EPB41L5: variants seen among roughly 807,000 people sequenced by gnomAD.
EPB41L5 encodes the protein erythrocyte membrane protein band 4.1 like 5.
EPB41L5 carries 55 observed loss-of-function variants against 106.6 expected under a neutral mutation model. The ratio of observed to expected loss-of-function variants is 0.52; its 90% CI spans 0.42 to 0.65. The LOEUF is 0.65. Among genes scored for constraint, EPB41L5 ranks in the 30% least tolerant of loss-of-function variants. The pLI is 0.00. For missense variants in EPB41L5, 871 were observed against 882.1 expected (o/e 0.99, Z 0.16); for synonymous variants, 297 against 306.7 (o/e 0.97, Z 0.33).
At chr2:120,133,868 T>C (rs1685810419) in intron 18 of EPB41L5, among the ~76,000 whole-genome samples, 1 of 151,538 alleles carries the variant, frequency 6.6e-6, no homozygotes, top group Non-Finnish European at 1.5e-5. Flanking sequence ...TGAGGAAAGG[T>C]GAGGGAAGAG....
At chr2:120,044,351 A>G (rs1679627151) in intron 3 of EPB41L5, among the ~76,000 whole-genome samples, 2 of 152,220 alleles carry the variant, frequency 1.3e-5, no homozygotes, top group Non-Finnish European at 2.9e-5. Flanking sequence ...TCCAGCAGGT[A>G]GTAGGCACAC....
At chr2:120,046,310 C>T (rs1293759289) in intron 3 of EPB41L5, among the ~76,000 whole-genome samples, 1 of 152,170 alleles carries the variant, frequency 6.6e-6, no homozygotes, top group Non-Finnish European at 1.5e-5. Flanking sequence ...ACTTCCTCTC[C>T]AGCACCTGTT....
intron 24 of EPB41L5, among the ~76,000 whole-genome samples, chr2:120,170,559 T>G (rs1411632763): frequency 6.6e-6 from 1 of 152,240 alleles, no homozygotes; most frequent in Non-Finnish European, 1.5e-5. Flanking sequence ...AGTTCCTTAC[T>G]TTATTCTAGC....
intron 24 of EPB41L5, 121 bp from the exon 25 acceptor site, chr2:120,174,720 T>C (rs1269787067): frequency 3.7e-6 from 3 of 808,840 alleles, no homozygotes; most frequent in East Asian, 2.4e-5. Context: ...TTACTACATA[T>C]TGACTTAGGT....
Position 120,076,973 on chromosome 2 carries a change from G to C in EPB41L5, c.508G>C (p.Glu170Gln). The C allele has an allele frequency of 1.9e-6, 3 of 1,592,574 alleles. No individual in the cohort carries two copies. The highest frequency in any genetic ancestry group is 2.6e-6 in the Non-Finnish European group (3 of 1,170,470). ...ACTTTTGAAACTTATGTTTATAGCT[G>C]AACTTGGTGACTATGATCTTGCTGA... ...VQLAAYNLQA[E>Q]LGDYDLAEHS... is the part of the protein sequence containing the mutation. Residue 170 changes from glutamate (E) to glutamine (Q), a missense_variant and splice_region_variant, in exon 8 of 25, where the codon GAA becomes CAA. Physicochemically the swap from Glu to Gln is conservative, Grantham distance 29 (BLOSUM62 2). Coordinates refer to ENST00000263713, the MANE Select transcript of EPB41L5 (RefSeq NM_020909.4).
rs980096860 is a variant in EPB41L5 at position 120,085,001 on chromosome 2, A to G, written c.804-2170A>G. Reference sequence around the variant, plus strand: ...TCAGGTCATTTAAGGACTTGTCTACACTAGTTATTCTAGTTAGCCGTTTGT... The same window carrying G: ...TCAGGTCATTTAAGGACTTGTCTACGCTAGTTATTCTAGTTAGCCGTTTGT... On this transcript the variant is annotated intron_variant, in intron 10 of 24. Transcript: ENST00000263713. Among the ~76,000 whole-genome samples, 3 of 152,130 alleles carry G rather than the reference A, an allele frequency of 2.0e-5. No individual in the cohort carries two copies. The South Asian group carries it at 6.2e-4, about 32-fold the overall frequency.
rs755920716 is a variant in EPB41L5 at position 120,093,275 on chromosome 2, A to C, written c.1177A>C (p.Ser393Arg). Residue 393 changes from serine (S) to arginine (R), a missense_variant and splice_region_variant, in exon 14 of 25, where the codon AGT becomes CGT. By Grantham distance (110) the Ser-to-Arg change is moderately radical. Transcript: ENST00000263713. ...ATGTGCTACAAAACCTGAAGAACTT[A>C]GGTAAGTAATGTTTTGCAACTTAGG... ...KACATKPEEL[S>R]VHNNVSTQSN... The C allele has an allele frequency of 8.7e-5, 141 of 1,613,206 alleles. No individual in the cohort carries two copies. Among genetic ancestry groups the C allele is most frequent in the Non-Finnish European group, 1.1e-4 (133 of 1,179,320 alleles).
chr2:120,081,984 C>A (rs535224940), intron 10 of EPB41L5, among the ~76,000 whole-genome samples: 1 of 152,174 alleles, frequency 6.6e-6, no homozygotes, highest in East Asian at 1.9e-4. Flanking sequence ...TGCTGAAGTT[C>A]CTTATCAGCT....
At chr2:120,119,205 C>T (rs1427252723) in intron 16 of EPB41L5, among the ~76,000 whole-genome samples, 1 of 151,866 alleles carries the variant, frequency 6.6e-6, no homozygotes, top group Non-Finnish European at 1.5e-5. Flanking sequence ...TGTTTAAGTT[C>T]CTTGTAGCCT....
At chr2:120,061,607 C>A (rs1212199823) in intron 3 of EPB41L5, among the ~76,000 whole-genome samples, 4 of 152,090 alleles carry the variant, frequency 2.6e-5, no homozygotes, top group African/African-American at 9.7e-5. Context: ...CCTCCTCGGC[C>A]TCCCAAAGTG....
At chr2:120,137,102 A>T (rs937504479) in intron 18 of EPB41L5, among the ~76,000 whole-genome samples, 1 of 152,238 alleles carries the variant, frequency 6.6e-6, no homozygotes, top group South Asian at 2.1e-4. Flanking sequence ...TGGAAATCAA[A>T]CAATATGCTT....
At chr2:120,080,908 T>C (rs1682605652) in intron 10 of EPB41L5, among the ~76,000 whole-genome samples, 3 of 152,256 alleles carry the variant, frequency 2.0e-5, no homozygotes, top group African/African-American at 7.2e-5. Context: ...ATGTCTTCTT[T>C]TGCGAAATGT....
At chr2:120,143,264 G>T in intron 19 of EPB41L5, 133 bp downstream of exon 19, 6 of 1,063,578 alleles carry the variant, frequency 5.6e-6, no homozygotes, top group Non-Finnish European at 3.9e-6. Flanking sequence ...TAAGAGTAAA[G>T]ATGCTCAGGG....
At chr2:120,044,914 T>G (rs1679660031) in intron 3 of EPB41L5, among the ~76,000 whole-genome samples, 1 of 152,170 alleles carries the variant, frequency 6.6e-6, no homozygotes, top group African/African-American at 2.4e-5. Flanking sequence ...GAAGAGTTAG[T>G]AGATTAAAGA....
chr2:120,154,280 T>G (rs1191689807), intron 20 of EPB41L5, among the ~76,000 whole-genome samples: 1 of 151,992 alleles, frequency 6.6e-6, no homozygotes, highest in Non-Finnish European at 1.5e-5. Context: ...TGCCTCAGCC[T>G]CCCGAGTAGT....
chr2:120,033,523 C>T (rs983803875), intron 2 of EPB41L5, among the ~76,000 whole-genome samples: 11 of 151,628 alleles, frequency 7.3e-5, no homozygotes, highest in African/African-American at 2.4e-4. Context: ...GCCTAGCCAA[C>T]GTGGTGAAAC....
intron 18 of EPB41L5, among the ~76,000 whole-genome samples, chr2:120,142,118 A>ATT (rs777207107): frequency 0.033 from 1,213 of 36,418 alleles, 19 homozygotes; most frequent in East Asian, 0.15. Flanking sequence ...TTTTTTAAAA[A>ATT]AAAAAAAAAA....
intron 1 of EPB41L5, among the ~76,000 whole-genome samples, chr2:120,018,104 G>A (rs1007104093): frequency 1.3e-5 from 2 of 152,028 alleles, no homozygotes; most frequent in African/African-American, 4.8e-5. Flanking sequence ...GGGACTACAG[G>A]CGCCTGCTAC....
At chr2:120,075,888 C>A in intron 7 of EPB41L5, 135 bp downstream of exon 7, 2 of 708,408 alleles carry the variant, frequency 2.8e-6, no homozygotes, top group South Asian at 1.8e-5. Flanking sequence ...CAGGGTCCAA[C>A]TCTGACTTTT....
Sources: allele counts gnomAD v4.1 joint callset (sites outside exome capture counted in the v4.1 genomes callset), GRCh38; gene constraint gnomAD v4.1.1; transcripts MANE v1.5; gene names NCBI Gene and HGNC (gene_info 2026-07-23, HGNC 2026-07-21).